Variants in CCP110 observed in about 807,000 individuals in gnomAD.
CCP110 encodes the protein centriolar coiled-coil protein 110, also known as centriolar coiled-coil protein of 110 kDa.
A neutral mutation model predicts 105.5 loss-of-function variants in CCP110; 43 were observed. The ratio of observed to expected loss-of-function variants is 0.41; its 90% CI spans 0.32 to 0.53. The LOEUF (loss-of-function observed/expected upper bound fraction) is 0.53. Ranked by LOEUF, CCP110 falls within the 20% of genes least tolerant of loss-of-function variation. The pLI, the probability that CCP110 is intolerant of heterozygous loss-of-function variation, is 0.32. For synonymous variants in CCP110, 353 were observed against 392.1 expected (o/e 0.90, Z 1.18); for missense variants, 1,016 against 1,189.1 (o/e 0.85, Z 2.14).
chr16:19,536,360 C>T, exon 4 of CCP110: 1 of 1,612,408 alleles, frequency 6.2e-7, no homozygotes, highest in Non-Finnish European at 8.5e-7. Flanking sequence ...TCTTCAGAAT[C>T]TGATGAAAAA....
chr16:19,543,092 T>C, intron 8 of CCP110, 98 bp downstream of exon 8: 1 of 718,278 alleles, frequency 1.4e-6, no homozygotes, highest in Non-Finnish European at 2.4e-6. Context: ...CTTAAACGCT[T>C]TTTAGTCACT....
At chr16:19,547,956 G>A (rs1296506114) in exon 13 of CCP110, 1 of 1,606,462 alleles carries the variant, frequency 6.2e-7, no homozygotes, top group East Asian at 2.2e-5. Flanking sequence ...TGTCAACAGA[G>A]TCCTTCAGCC....
chr16:19,526,019 T>TA (rs1191667995), intron 1 of CCP110: 1 of 152,550 alleles, frequency 6.6e-6, no homozygotes, highest in Non-Finnish European at 1.5e-5. Flanking sequence ...AAGGATCATC[T>TA]AGTAATTTGT....
intron 4 of CCP110, among the ~76,000 whole-genome samples, 153 bp downstream of exon 4, chr16:19,537,740 A>G (rs956330739): frequency 9.2e-5 from 14 of 152,116 alleles, no homozygotes; most frequent in African/African-American, 3.4e-4. Flanking sequence ...GCTACAGTTT[A>G]TTGCCATTTG....
chr16:19,527,861 T>C lies in CCP110; in HGVS notation c.-15-6T>C, dbSNP rs1456449612. The stretch of plus-strand genomic sequence containing the variant: ...ACATTAAAAATAACATTTTTCTCTC[T>C]TGTAGTGTGACTGTGGGAAGATGGA... On this transcript the variant is annotated splice_region_variant and splice_polypyrimidine_tract_variant and intron_variant, in intron 1 of 14. Transcript: ENST00000381396. 4 of 1,607,620 alleles carry C rather than the reference T, an allele frequency of 2.5e-6. No homozygotes were observed. Among genetic ancestry groups the C allele is most frequent in the Non-Finnish European group, 2.5e-6 (3 of 1,177,768 alleles).
At chr16:19,528,721 CCTCAT>C (rs1437926123) in intron 2 of CCP110, among the ~76,000 whole-genome samples, 8 of 149,332 alleles carry the variant, frequency 5.4e-5, no homozygotes, top group African/African-American at 2.0e-4. Flanking sequence ...CATAGTGAGA[CCTCAT>C]CTCTATAAAA....
chr16:19,535,930 C>T lies in CCP110; in HGVS notation c.271-10C>T. The T allele has an allele frequency of 1.3e-6, 2 of 1,505,674 alleles. No individual in the cohort carries two copies. Among genetic ancestry groups the T allele is most frequent in the East Asian group, 2.4e-5 (1 of 42,064 alleles). The allele number at this position is 1,505,674 out of a possible 1,614,324, so 93.3% of individuals were successfully genotyped here. ...TGAGGAAATATTAATTTTTAAATTT[C>T]CTGTTTCAGGTTAGAAAAGCACCTA... is the stretch of plus-strand genomic sequence containing the variant. On this transcript the variant is annotated splice_polypyrimidine_tract_variant and intron_variant, in intron 3 of 14. Transcript: ENST00000381396.
exon 4 of CCP110, chr16:19,536,472 T>A (rs1970062570): frequency 6.2e-7 from 1 of 1,613,928 alleles, no homozygotes; most frequent in Admixed American, 1.7e-5. Flanking sequence ...CATGATGCTG[T>A]TGAAGTGGCT....
chr16:19,537,493 A>G (rs146294106), exon 4 of CCP110: 16 of 1,611,514 alleles, frequency 9.9e-6, no homozygotes, highest in Admixed American at 1.7e-5. Context: ...CAAGTGGAAT[A>G]ACTGAACAAG....
At chr16:19,540,621 G>T in intron 4 of CCP110, 36 bp from the exon 5 acceptor site, 1 of 1,576,652 alleles carries the variant, frequency 6.3e-7, no homozygotes, top group South Asian at 1.1e-5. Context: ...TTAGACTTGT[G>T]AATTTTCTAA....
At chr16:19,546,912 G>A (rs917622578) in intron 12 of CCP110, 8 of 155,246 alleles carry the variant, frequency 5.2e-5, no homozygotes, top group Non-Finnish European at 1.0e-4. Context: ...AGCACTTCTT[G>A]CTGAATTGGG....
At chr16:19,550,373 G>C (rs773465581) in intron 14 of CCP110, among the ~76,000 whole-genome samples, 5 of 152,076 alleles carry the variant, frequency 3.3e-5, no homozygotes, top group Non-Finnish European at 7.4e-5. Context: ...GGCTAGTCTC[G>C]AACGCCTGAC....
At chr16:19,552,511 A>T (rs1970673728) in exon 15 of CCP110, 1 of 145,660 alleles carries the variant, frequency 6.9e-6, no homozygotes, top group Non-Finnish European at 1.5e-5. Flanking sequence ...GGGTTAACAG[A>T]GCAAGACACT....
chr16:19,545,858 A>G (rs1970440277), exon 11 of CCP110: 1 of 1,608,718 alleles, frequency 6.2e-7, no homozygotes, highest in East Asian at 2.2e-5. Context: ...CAGCTGCAAC[A>G]CAGAAGTCTC....
At chr16:19,535,177 G>C (rs573982663) in intron 3 of CCP110, among the ~76,000 whole-genome samples, 1 of 152,194 alleles carries the variant, frequency 6.6e-6, no homozygotes, top group South Asian at 2.1e-4. Flanking sequence ...ACCATGCCCC[G>C]CCAGTAGTCA....
At position 19,537,532 on chromosome 16, in the gene CCP110, C is replaced by A; in HGVS notation, c.1863C>A (p.Tyr621Ter). ...GGCAACATTTGCCAGAAAAAAGATA[C>A]CCTAAGGGATCTGGCTTCGTTAACA... The change falls in exon 4 of 15, where the codon TAC (tyrosine) becomes TAA (stop). Residue 621 changes from tyrosine to a stop codon, truncating the protein, a stop_gained. Coordinates refer to ENST00000381396, the Ensembl canonical transcript of CCP110. LOFTEE classifies it high-confidence loss of function. 6.3e-7 allele frequency: 1 copy of A among 1,595,616 alleles called. No homozygotes were observed. The highest frequency in any genetic ancestry group is 8.5e-7 in the Non-Finnish European group (1 of 1,175,172).
chr16:19,541,364 G>T (rs533098370), intron 5 of CCP110, among the ~76,000 whole-genome samples: 1 of 152,252 alleles, frequency 6.6e-6, no homozygotes, highest in Non-Finnish European at 1.5e-5. Context: ...TGGGCGTGGT[G>T]GCTCACGCCT....
Position 19,547,392 on chromosome 16 carries a change from G to A in CCP110, c.2841-563G>A, listed in dbSNP as rs113137619. On this transcript the variant is annotated intron_variant, in intron 12 of 14. Coordinates refer to ENST00000381396, the Ensembl canonical transcript of CCP110. Reference sequence around the variant, plus strand: ...TGCACCACTGTACTCCATCCTGGGCGACAGAGCAAGGGTCCGTCTCAAAAA... The same window carrying A: ...TGCACCACTGTACTCCATCCTGGGCAACAGAGCAAGGGTCCGTCTCAAAAA... The A allele has an allele frequency of 6.7e-3, 1,020 of 152,606 alleles. 14 individuals are homozygous for A. Among genetic ancestry groups the A allele is most frequent in the African/African-American group, 0.023 (944 of 41,470 alleles). 9.5% of individuals were successfully genotyped at this position (152,606 alleles called of 1,614,324 possible). A position where few individuals can be genotyped will look rare whatever the true frequency, so the allele number is the denominator to read the frequency against.
chr16:19,528,709 A>G (rs1288695992), intron 2 of CCP110, among the ~76,000 whole-genome samples: 1 of 152,200 alleles, frequency 6.6e-6, no homozygotes, highest in African/African-American at 2.4e-5. Flanking sequence ...TAGCCTGGTC[A>G]ACATAGTGAG....
Sources: gnomAD v4.1 joint callset for allele counts (sites outside exome capture counted in the v4.1 genomes callset) on GRCh38, gnomAD v4.1.1 for gene constraint, MANE v1.5 for transcripts, NCBI Gene and HGNC (gene_info 2026-07-23, HGNC 2026-07-21) for gene names.